RNF216: variants seen among roughly 807,000 people sequenced by gnomAD.
RNF216 encodes E3 ubiquitin-protein ligase RNF216.
In RNF216, 72 loss-of-function variants were observed where a neutral mutation model predicts 110.8. That is an observed-to-expected ratio of 0.65 (90% CI 0.54 to 0.79). The LOEUF (loss-of-function observed/expected upper bound fraction) is 0.79, where lower values mean the gene tolerates loss of function less well. Among genes scored for constraint, RNF216 ranks in the 30% least tolerant of loss-of-function variants. The pLI is 0.00. For synonymous variants in RNF216, 495 were observed against 407.5 expected (o/e 1.21, Z -2.59); for missense variants, 1,342 against 1,141.2 (o/e 1.18, Z -2.54).
chr7:5,623,598 CTCTT>C (rs1409670004), intron 16 of RNF216, among the ~76,000 whole-genome samples: 2 of 151,970 alleles, frequency 1.3e-5, no homozygotes, highest in African/African-American at 4.8e-5. Flanking sequence ...TGCACTTAGC[CTCTT>C]TTTTTTAAAG....
At chr7:5,689,117 C>T (rs1791166527) in intron 13 of RNF216, among the ~76,000 whole-genome samples, 1 of 151,968 alleles carries the variant, frequency 6.6e-6, no homozygotes, top group Admixed American at 6.6e-5. Flanking sequence ...CCATCAGTGC[C>T]TTGTGAGCCA....
At chr7:5,739,803 C>T (rs1220415863) in intron 4 of RNF216, among the ~76,000 whole-genome samples, 1 of 152,002 alleles carries the variant, frequency 6.6e-6, no homozygotes, top group Non-Finnish European at 1.5e-5. Flanking sequence ...GAGTTCAAAA[C>T]CAGCCTGGCC....
intron 13 of RNF216, among the ~76,000 whole-genome samples, chr7:5,671,472 G>A (rs1290689943): frequency 6.6e-6 from 1 of 152,172 alleles, no homozygotes; most frequent in Non-Finnish European, 1.5e-5. Flanking sequence ...AAATGAGGCT[G>A]ATGGGGTGAG....
intron 2 of RNF216, among the ~76,000 whole-genome samples, chr7:5,757,753 C>A (rs1297127931): frequency 6.6e-6 from 1 of 152,132 alleles, no homozygotes; most frequent in African/African-American, 2.4e-5. Context: ...CAAAGAGGCA[C>A]AAGGGAATCT....
intron 13 of RNF216, among the ~76,000 whole-genome samples, chr7:5,677,066 T>C (rs1044269099): frequency 6.6e-6 from 1 of 152,240 alleles, no homozygotes; most frequent in South Asian, 2.1e-4. Context: ...GAAATACCAC[T>C]ACAGACCACA....
intron 16 of RNF216, 151 bp downstream of exon 16, chr7:5,623,905 G>A (rs557044294): frequency 2.1e-5 from 13 of 626,482 alleles, no homozygotes; most frequent in Non-Finnish European, 3.1e-5. Flanking sequence ...AGATGTGGCC[G>A]CGTGGGTGAA....
chr7:5,744,530 A>T lies in RNF216; in HGVS notation c.202-2715T>A, dbSNP rs535032875. Among the ~76,000 whole-genome samples the T allele has an allele frequency of 1.4e-4, 21 of 152,284 alleles. No homozygotes were observed. In the South Asian group the frequency reaches 3.5e-3, roughly 26 times the overall value. On this transcript the variant is annotated intron_variant, in intron 3 of 16. Transcript: ENST00000389902. ...ACCATTCGAACTAAATAAGGGAAAA[A>T]ACATAAGGAGTCACAGATTAAGACA...
Position 5,729,493 on chromosome 7 carries a change from C to G in RNF216, c.1328G>C (p.Ser443Thr). The G allele has an allele frequency of 2.5e-6, 4 of 1,614,136 alleles. No homozygotes were observed. The highest frequency in any genetic ancestry group is 2.5e-6 in the Non-Finnish European group (3 of 1,180,026). ...CAGGGCCCACTTGATGTCCTGACTA[C>G]TGAGCACTTTGAAGTCGGCCATGAG... is the stretch of plus-strand genomic sequence containing the variant. ...DLLMADFKVL[S>T]SQDIKWALHE... Residue 443 changes from serine to threonine, a missense_variant, in exon 7 of 17, where the codon AGT becomes ACT. Transcript: ENST00000389902.
intron 7 of RNF216, among the ~76,000 whole-genome samples, chr7:5,728,929 C>CCCT (rs1793923286): frequency 6.6e-6 from 1 of 152,194 alleles, no homozygotes; most frequent in African/African-American, 2.4e-5. Context: ...CAAACCAGCA[C>CCCT]CCTCCTCACC....
chr7:5,724,436 T>C (rs1793628768), intron 8 of RNF216, among the ~76,000 whole-genome samples: 1 of 152,228 alleles, frequency 6.6e-6, no homozygotes, highest in African/African-American at 2.4e-5. Context: ...AAATACTGTA[T>C]GGCTATGTAC....
At chr7:5,708,246 G>A (rs1415169719) in intron 13 of RNF216, among the ~76,000 whole-genome samples, 2 of 152,246 alleles carry the variant, frequency 1.3e-5, no homozygotes, top group Non-Finnish European at 2.9e-5. Flanking sequence ...GTATGTGTCT[G>A]TTAGGTCTAT....
intron 9 of RNF216, among the ~76,000 whole-genome samples, chr7:5,719,403 G>A (rs1419117900): frequency 6.6e-6 from 1 of 152,130 alleles, no homozygotes; most frequent in Non-Finnish European, 1.5e-5. Flanking sequence ...AGCAAAGAAG[G>A]TACTTTGGAA....
At chr7:5,750,402 G>A (rs1188207982) in intron 3 of RNF216, among the ~76,000 whole-genome samples, 4 of 152,210 alleles carry the variant, frequency 2.6e-5, no homozygotes, top group Non-Finnish European at 5.9e-5. Flanking sequence ...CAAATATGTG[G>A]TTAGTCAGGC....
At chr7:5,779,917 G>T (rs966969305) in intron 1 of RNF216, 1 of 151,468 alleles carries the variant, frequency 6.6e-6, no homozygotes, top group Admixed American at 6.6e-5. Flanking sequence ...AAACGCCACT[G>T]TTTCCGAGGG....
At position 5,725,447 on chromosome 7, in the gene RNF216, T is replaced by A; in HGVS notation, c.1390-9A>T. ...ATGGCATCAGACAAGGCCTAAAAAT[T>A]GAGAAAAGGAAAGGTTCCTTCTGTA... On this transcript the variant is annotated splice_polypyrimidine_tract_variant and intron_variant, in intron 7 of 16. Coordinates refer to ENST00000389902, the MANE Select transcript of RNF216 (RefSeq NM_207111.4). 6.7e-7 allele frequency: 1 copy of A among 1,501,046 alleles called. No individual in the cohort carries two copies. The highest frequency in any genetic ancestry group is 9.3e-7 in the Non-Finnish European group (1 of 1,080,750). 93.0% of individuals were successfully genotyped at this position (1,501,046 alleles called of 1,614,324 possible). A position where few individuals can be genotyped will look rare whatever the true frequency, so the allele number is the denominator to read the frequency against.
At chr7:5,665,811 A>C (rs1789471823) in intron 13 of RNF216, among the ~76,000 whole-genome samples, 1 of 152,166 alleles carries the variant, frequency 6.6e-6, no homozygotes, top group Admixed American at 6.5e-5. Context: ...GTTTAACAGA[A>C]TCACCGAGAC....
intron 9 of RNF216, 78 bp downstream of exon 9, chr7:5,720,953 GAC>G (rs1793381445): frequency 3.0e-6 from 4 of 1,343,014 alleles, no homozygotes; most frequent in Non-Finnish European, 4.1e-6. Flanking sequence ...AATCTTAAAA[GAC>G]AGTTTTGTAC....
intron 14 of RNF216, among the ~76,000 whole-genome samples, chr7:5,642,972 A>G (rs987839234): frequency 2.6e-5 from 4 of 152,040 alleles, no homozygotes; most frequent in African/African-American, 9.7e-5. Flanking sequence ...AAGAGGCTGT[A>G]AAGAATTAAG....
chr7:5,690,656 T>C (rs1275047340), intron 13 of RNF216, among the ~76,000 whole-genome samples: 2 of 147,878 alleles, frequency 1.4e-5, no homozygotes, highest in Non-Finnish European at 3.0e-5. Flanking sequence ...TGTTATCCCA[T>C]TCTACAGAAG....
Sources: allele counts gnomAD v4.1 joint callset (sites outside exome capture counted in the v4.1 genomes callset), GRCh38; gene constraint gnomAD v4.1.1; transcripts MANE v1.5; gene names NCBI Gene and HGNC (gene_info 2026-07-23, HGNC 2026-07-21).